Variants in ZNF385D observed in about 807,000 individuals in gnomAD.
ZNF385D encodes zinc finger protein 385D.
In ZNF385D, 15 loss-of-function variants were observed where a neutral mutation model predicts 35.8. That is an observed-to-expected ratio of 0.42 (90% CI 0.28 to 0.64). ZNF385D has a LOEUF of 0.64. ZNF385D is among the 30% of genes least tolerant of loss of function. The probability of loss-of-function intolerance (pLI) is 0.23; values close to 1 mark genes in which losing one functional copy is unlikely to be tolerated. For synonymous variants in ZNF385D, 212 were observed against 186.8 expected, an observed-to-expected ratio of 1.13 and a Z score of -1.10; for missense variants, 474 against 494.6, an observed-to-expected ratio of 0.96 and a Z score of 0.39.
intron 2 of ZNF385D, among the ~76,000 whole-genome samples, chr3:22,184,595 G>A (rs1434999943): frequency 4.6e-5 from 7 of 152,270 alleles, no homozygotes; most frequent in Admixed American, 2.0e-4. Context: ...GGAGGCCGAA[G>A]AGGGTGGATC....
chr3:21,579,658 T>A (rs2063595268), intron 2 of ZNF385D: 1 of 152,182 alleles, frequency 6.6e-6, no homozygotes, highest in Non-Finnish European at 1.5e-5. Context: ...GCAAACTCAG[T>A]GGCTGAAAAC....
At chr3:22,254,276 A>G (rs754036285) in intron 2 of ZNF385D, among the ~76,000 whole-genome samples, 2 of 151,916 alleles carry the variant, frequency 1.3e-5, no homozygotes, top group Non-Finnish European at 2.9e-5. Context: ...AATTATGCAA[A>G]TTAAAGCAAG....
At chr3:21,748,784 G>C (rs910008459) in intron 1 of ZNF385D, among the ~76,000 whole-genome samples, 2 of 152,142 alleles carry the variant, frequency 1.3e-5, no homozygotes, top group Non-Finnish European at 2.9e-5. Flanking sequence ...ACATACACAT[G>C]TACACATATA....
chr3:21,956,811 T>A (rs974128454), intron 3 of ZNF385D, among the ~76,000 whole-genome samples: 1 of 151,700 alleles, frequency 6.6e-6, no homozygotes, highest in Non-Finnish European at 1.5e-5. Flanking sequence ...AAAGCATTCC[T>A]CAAGCAGAAG....
chr3:22,200,582 A>G (rs1696721096), intron 2 of ZNF385D, among the ~76,000 whole-genome samples: 1 of 152,128 alleles, frequency 6.6e-6, no homozygotes, highest in African/African-American at 2.4e-5. Flanking sequence ...ACTGTCATTG[A>G]TAACATCTTA....
intron 2 of ZNF385D, among the ~76,000 whole-genome samples, chr3:22,229,792 G>GTC (rs1185709491): frequency 5.3e-5 from 8 of 152,006 alleles, no homozygotes; most frequent in Non-Finnish European, 1.0e-4. Context: ...TCAAGGCAGG[G>GTC]TCTCTGAGGT....
intron 2 of ZNF385D, among the ~76,000 whole-genome samples, chr3:21,572,256 T>C (rs1270738548): frequency 6.6e-6 from 1 of 152,212 alleles, no homozygotes; most frequent in Non-Finnish European, 1.5e-5. Context: ...AAACTTTTTA[T>C]AATACAATAC....
At chr3:21,621,757 A>C (rs2065012974) in intron 2 of ZNF385D, among the ~76,000 whole-genome samples, 1 of 152,020 alleles carries the variant, frequency 6.6e-6, no homozygotes, top group Non-Finnish European at 1.5e-5. Context: ...CTTCTGAGAT[A>C]CTCAAGCACA....
At chr3:22,345,636 G>A (rs903135741) in intron 2 of ZNF385D, among the ~76,000 whole-genome samples, 1 of 152,156 alleles carries the variant, frequency 6.6e-6, no homozygotes, top group Non-Finnish European at 1.5e-5. Flanking sequence ...AAATAAAGCA[G>A]CTAGGTACAG....
intron 3 of ZNF385D, among the ~76,000 whole-genome samples, chr3:22,037,505 G>A (rs1225498900): frequency 6.6e-6 from 1 of 152,080 alleles, no homozygotes; most frequent in Non-Finnish European, 1.5e-5. Flanking sequence ...CTGCATAAAT[G>A]TCTTCTTTTG....
chr3:21,544,516 G>C (rs1233723987), intron 3 of ZNF385D, among the ~76,000 whole-genome samples: 2 of 151,962 alleles, frequency 1.3e-5, no homozygotes, highest in East Asian at 3.9e-4. Flanking sequence ...TTTTGAGTTA[G>C]GAAAAAGCTG....
At chr3:21,749,213 C>T (rs924586057) in intron 1 of ZNF385D, among the ~76,000 whole-genome samples, 1 of 152,120 alleles carries the variant, frequency 6.6e-6, no homozygotes, top group African/African-American at 2.4e-5. Flanking sequence ...ATTGATTACC[C>T]TATGAATCAC....
chr3:21,431,489 A>C (rs114613933), intron 5 of ZNF385D, among the ~76,000 whole-genome samples: 3,586 of 152,228 alleles, frequency 0.024, 124 homozygotes, highest in Admixed American at 0.089. Context: ...GCCATTAGCC[A>C]TGTGTAGCTC....
chr3:21,978,534 G>C (rs927717740), intron 3 of ZNF385D, among the ~76,000 whole-genome samples: 1 of 152,210 alleles, frequency 6.6e-6, no homozygotes, highest in African/African-American at 2.4e-5. Flanking sequence ...TTGTCTCAGA[G>C]CTTAGAAGTT....
intron 3 of ZNF385D, among the ~76,000 whole-genome samples, chr3:21,970,630 T>A (rs895129331): frequency 6.6e-6 from 1 of 151,196 alleles, no homozygotes; most frequent in Non-Finnish European, 1.5e-5. Flanking sequence ...AGAGAGAAAT[T>A]GAGGTAGAAA....
At chr3:21,767,428 T>G (rs1056438573) in intron 3 of ZNF385D, among the ~76,000 whole-genome samples, 2 of 152,106 alleles carry the variant, frequency 1.3e-5, no homozygotes, top group African/African-American at 2.4e-5. Flanking sequence ...TTCATTTTGT[T>G]GCTGATAACT....
At chr3:21,527,575 C>A (rs1054921551) in intron 3 of ZNF385D, among the ~76,000 whole-genome samples, 2 of 152,060 alleles carry the variant, frequency 1.3e-5, no homozygotes, top group African/African-American at 4.8e-5. Flanking sequence ...GGAGTCAAAT[C>A]TTAATTATCC....
intron 3 of ZNF385D, among the ~76,000 whole-genome samples, chr3:21,788,828 G>C (rs936025600): frequency 6.6e-6 from 1 of 152,284 alleles, no homozygotes; most frequent in Admixed American, 6.5e-5. Context: ...AACTGTAGAA[G>C]TTCAGAAATG....
intron 2 of ZNF385D, among the ~76,000 whole-genome samples, chr3:22,363,708 T>C (rs148210419): frequency 1.6e-4 from 24 of 152,310 alleles, no homozygotes; most frequent in African/African-American, 5.5e-4. Flanking sequence ...TGTGTATTCT[T>C]ACAGAACATA....
Sources: gnomAD v4.1 joint callset for allele counts (sites outside exome capture counted in the v4.1 genomes callset) on GRCh38, gnomAD v4.1.1 for gene constraint, MANE v1.5 for transcripts, NCBI Gene and HGNC (gene_info 2026-07-23, HGNC 2026-07-21) for gene names.